The following JARID2 variants were observed in gnomAD, a reference collection of about 807,000 sequenced individuals.
The protein encoded by JARID2 is protein Jumonji.
In JARID2, 21 loss-of-function variants were observed where a neutral mutation model predicts 125.6. The observed-to-expected ratio is 0.17, with a 90% CI of 0.12 to 0.24. JARID2 has a LOEUF of 0.24. Ranked by LOEUF, JARID2 falls within the 10% of genes least tolerant of loss-of-function variation. JARID2 has a pLI of 1.00. For synonymous variants in JARID2, 736 were observed against 661.6 expected (o/e 1.11, Z -1.73); for missense variants, 1,303 against 1,639.6 (o/e 0.79, Z 3.55).
chr6:15,490,173 T>A (rs1237465069), intron 6 of JARID2, among the ~76,000 whole-genome samples: 3 of 151,934 alleles, frequency 2.0e-5, no homozygotes, highest in Non-Finnish European at 4.4e-5. Flanking sequence ...TACAAGTGAT[T>A]AGACTGTGAC....
At chr6:15,514,908 C>G (rs1771471233) in intron 16 of JARID2, among the ~76,000 whole-genome samples, 1 of 152,124 alleles carries the variant, frequency 6.6e-6, no homozygotes, top group African/African-American at 2.4e-5. Flanking sequence ...GGTTTTTTCC[C>G]CCAGACTTCT....
intron 3 of JARID2, among the ~76,000 whole-genome samples, chr6:15,435,260 T>A (rs757838726): frequency 1.5e-4 from 23 of 152,214 alleles, no homozygotes; most frequent in Non-Finnish European, 3.1e-4. Context: ...GGTTCATGTA[T>A]GTTTTTGCTA....
At chr6:15,509,277 G>A (rs928421530) in intron 12 of JARID2, 47 of 985,136 alleles carry the variant, frequency 4.8e-5, no homozygotes, top group Middle Eastern at 5.2e-4. Flanking sequence ...TCGTCTGATC[G>A]TTTACCGGCA....
chr6:15,387,613 C>CT (rs1466952888), intron 2 of JARID2, among the ~76,000 whole-genome samples: 1 of 152,122 alleles, frequency 6.6e-6, no homozygotes, highest in African/African-American at 2.4e-5. Context: ...CTCTGCAGGC[C>CT]TTGGACATGG....
intron 12 of JARID2, 65 bp downstream of exon 12, chr6:15,508,519 G>A: frequency 1.1e-6 from 1 of 877,704 alleles, no homozygotes; most frequent in East Asian, 2.4e-5. Flanking sequence ...ATGAAGTGGG[G>A]CCTGTGGGTA....
chr6:15,417,919 A>C (rs533718373), intron 3 of JARID2, among the ~76,000 whole-genome samples: 63 of 152,238 alleles, frequency 4.1e-4, no homozygotes, highest in Non-Finnish European at 7.6e-4. Flanking sequence ...AATTTACACA[A>C]ATGATTTATA....
chr6:15,320,486 T>C (rs531765799), intron 1 of JARID2, among the ~76,000 whole-genome samples: 1 of 152,318 alleles, frequency 6.6e-6, no homozygotes, highest in South Asian at 2.1e-4. Flanking sequence ...TGGGTTGAAG[T>C]AGAAGGTGAA....
intron 3 of JARID2, among the ~76,000 whole-genome samples, chr6:15,437,763 C>T (rs1767272754): frequency 6.6e-6 from 1 of 151,494 alleles, no homozygotes; most frequent in African/African-American, 2.4e-5. Flanking sequence ...GAGATCACGC[C>T]ACTGGACTCC....
chr6:15,434,102 C>T lies in JARID2; in HGVS notation c.324-17904C>T, dbSNP rs114341350. 7.2e-3 allele frequency among the ~76,000 whole-genome samples: 1,100 copies of T among 151,938 alleles called. 14 individuals are homozygous for T. The highest frequency in any genetic ancestry group is 0.025 in the African/African-American group (1,042 of 41,402). On this transcript the variant is annotated intron_variant, in intron 3 of 17. Coordinates refer to ENST00000341776, the MANE Select transcript of JARID2 (RefSeq NM_004973.4). ...TCTGCCCGTAAAACACAGGTACCTC[C>T]GTAAGTCTGTCTCCACCCTTCACTG... is the stretch of plus-strand genomic sequence containing the variant.
chr6:15,285,142 C>T (rs1355405243), intron 1 of JARID2, among the ~76,000 whole-genome samples: 1 of 120,656 alleles, frequency 8.3e-6, no homozygotes, highest in Non-Finnish European at 1.6e-5. Flanking sequence ...GGAAGTCTTG[C>T]TCTTGTTCTC....
At chr6:15,283,124 GC>G (rs1229125375) in intron 1 of JARID2, among the ~76,000 whole-genome samples, 1 of 137,606 alleles carries the variant, frequency 7.3e-6, no homozygotes, top group Non-Finnish European at 1.6e-5. Context: ...GACTACAGGC[GC>G]CCGCCACCAC....
intron 1 of JARID2, among the ~76,000 whole-genome samples, chr6:15,263,873 G>T (rs544674146): frequency 6.6e-6 from 1 of 152,148 alleles, no homozygotes; most frequent in African/African-American, 2.4e-5. Flanking sequence ...GATTACAGGC[G>T]TGAGCCACCG....
intron 4 of JARID2, among the ~76,000 whole-genome samples, chr6:15,455,647 T>TCAGCC (rs1373728933): frequency 6.6e-6 from 1 of 152,188 alleles, no homozygotes; most frequent in Non-Finnish European, 1.5e-5. Flanking sequence ...TTCTCCTGCC[T>TCAGCC]CAGCCTCCCG....
At chr6:15,302,604 T>C (rs1761671325) in intron 1 of JARID2, among the ~76,000 whole-genome samples, 1 of 152,220 alleles carries the variant, frequency 6.6e-6, no homozygotes, top group Admixed American at 6.5e-5. Flanking sequence ...TGACCCACTT[T>C]TAGTTAAGTG....
At chr6:15,349,700 T>G (rs1763361297) in intron 1 of JARID2, among the ~76,000 whole-genome samples, 1 of 152,026 alleles carries the variant, frequency 6.6e-6, no homozygotes, top group South Asian at 2.1e-4. Flanking sequence ...TCCCAGTTCC[T>G]CTCCCCCACC....
At chr6:15,270,706 G>C (rs1180493431) in intron 1 of JARID2, among the ~76,000 whole-genome samples, 1 of 152,158 alleles carries the variant, frequency 6.6e-6, no homozygotes, top group Admixed American at 6.5e-5. Context: ...CCAGCACTTT[G>C]GGAGGTCAAG....
At chr6:15,398,173 T>C (rs907532049) in intron 2 of JARID2, among the ~76,000 whole-genome samples, 41 of 152,314 alleles carry the variant, frequency 2.7e-4, no homozygotes, top group African/African-American at 9.4e-4. Context: ...AGGCTTTAGG[T>C]TATGTTTGAG....
rs1264622122 is a variant in JARID2, at chr6:15,300,720, T to TGAGA, written c.45+54137_45+54138insAGAG. Among the ~76,000 whole-genome samples the TGAGA allele has an allele frequency of 2.4e-3, 317 of 130,138 alleles. 3 individuals are homozygous for TGAGA. The highest frequency in any genetic ancestry group is 9.8e-3 in the African/African-American group (292 of 29,938). The allele number at this position is 130,138 out of a possible 152,430, so 85.4% of individuals were successfully genotyped here. A position where few individuals can be genotyped will look rare whatever the true frequency, so the allele number is the denominator to read the frequency against. On this transcript the variant is annotated intron_variant, in intron 1 of 17. Coordinates refer to ENST00000341776, the MANE Select transcript of JARID2 (RefSeq NM_004973.4). Reference sequence around the variant, plus strand: ...GTGTGTGTGTGTGTGTGTGTGTGTGTGTGAGAGAGAGAGAGAGAGAGAGAG... The same window carrying TGAGA: ...GTGTGTGTGTGTGTGTGTGTGTGTGTGAGAGTGAGAGAGAGAGAGAGAGAGAGAG...
intron 3 of JARID2, among the ~76,000 whole-genome samples, chr6:15,432,487 G>A (rs543444553): frequency 6.6e-6 from 1 of 151,914 alleles, no homozygotes; most frequent in Admixed American, 6.5e-5. Context: ...AACAAGAAAA[G>A]TACGCTCCAC....
Sources: gnomAD v4.1 joint callset for allele counts (sites outside exome capture counted in the v4.1 genomes callset) on GRCh38, gnomAD v4.1.1 for gene constraint, MANE v1.5 for transcripts, NCBI Gene and HGNC (gene_info 2026-07-23, HGNC 2026-07-21) for gene names.